The following DPP4 variants were observed in gnomAD, a reference collection of about 807,000 sequenced individuals.
DPP4 encodes ADCP-2.
DPP4 carries 93 observed loss-of-function variants against 122.4 expected under a neutral mutation model. That is an observed-to-expected ratio of 0.76 (90% CI 0.64 to 0.90). The LOEUF is 0.90. Among genes scored for constraint, DPP4 ranks in the 40% least tolerant of loss-of-function variants. The pLI, the probability that DPP4 is intolerant of heterozygous loss-of-function variation, is 0.00. For missense variants in DPP4, 914 were observed against 907.3 expected (o/e 1.01, Z -0.09); for synonymous variants, 321 against 302.9 (o/e 1.06, Z -0.62).
intron 4 of DPP4, among the ~76,000 whole-genome samples, 172 bp from the exon 5 acceptor site, chr2:162,045,784 G>A (rs1684152798): frequency 6.6e-6 from 1 of 152,188 alleles, no homozygotes; most frequent in African/African-American, 2.4e-5. Flanking sequence ...CAAGGTAGGT[G>A]GCGATCAATG....
At chr2:162,032,720 A>AC (rs1553665104) in intron 10 of DPP4, among the ~76,000 whole-genome samples, 3 of 149,318 alleles carry the variant, frequency 2.0e-5, no homozygotes, top group Non-Finnish European at 3.0e-5. Flanking sequence ...AAAAAAAAAA[A>AC]CAGCAACAAA....
At chr2:162,012,326 T>A (rs1682732905) in intron 19 of DPP4, among the ~76,000 whole-genome samples, 1 of 148,824 alleles carries the variant, frequency 6.7e-6, no homozygotes, top group Admixed American at 6.7e-5. Flanking sequence ...ATAAAAAAAA[T>A]GATGATGACA....
chr2:162,026,972 C>T (rs1180601385), intron 10 of DPP4, among the ~76,000 whole-genome samples: 1 of 152,130 alleles, frequency 6.6e-6, no homozygotes, highest in Non-Finnish European at 1.5e-5. Flanking sequence ...CTTTGTAGCA[C>T]AAATGTAGCC....
At chr2:162,068,817 G>C in intron 2 of DPP4, among the ~76,000 whole-genome samples, 1 of 152,158 alleles carries the variant, frequency 6.6e-6, no homozygotes, top group Non-Finnish European at 1.5e-5. Flanking sequence ...GGCATCCACA[G>C]TAGGCTCTTC....
chr2:162,071,270 C>T (rs1685106250), intron 2 of DPP4, among the ~76,000 whole-genome samples: 1 of 152,162 alleles, frequency 6.6e-6, no homozygotes, highest in Non-Finnish European at 1.5e-5. Context: ...AAACACAGGG[C>T]ATTTGCATTT....
intron 2 of DPP4, among the ~76,000 whole-genome samples, chr2:162,056,714 C>T (rs575921671): frequency 7.9e-5 from 12 of 152,224 alleles, no homozygotes; most frequent in East Asian, 5.8e-4. Context: ...CTTTCTAAGA[C>T]GAAGAAAAAG....
In DPP4 at chr2:162,017,125, C is replaced by T; in HGVS notation, c.1451G>A (p.Ser484Asn). ...GAAAATACCTTTATCATTCACGCTG[C>T]TGTGTAGAGTATAGAGGGGCAGACC... ...GPGLPLYTLH[S>N]SVNDKGLRVL... Residue 484 changes from serine to asparagine, a missense_variant, in exon 17 of 26, where the codon AGC (serine) becomes AAC (asparagine). Transcript: ENST00000360534. 1 of 1,612,118 alleles carries T rather than the reference C, an allele frequency of 6.2e-7. No individual in the cohort carries two copies. The highest frequency in any genetic ancestry group is 8.5e-7 in the Non-Finnish European group (1 of 1,179,748).
chr2:162,046,896 A>G lies in DPP4; in HGVS notation c.285+19T>C. On this transcript the variant is annotated intron_variant, in intron 4 of 25. Transcript: ENST00000360534. The stretch of plus-strand genomic sequence containing the variant: ...TCCCCAGAATTCTATGCATGAATTA[A>G]TTACGTGATTAAACATACAAATGTA... 1 of 1,476,650 alleles carries G rather than the reference A, an allele frequency of 6.8e-7. No individual in the cohort carries two copies. The highest frequency in any genetic ancestry group is 9.5e-7 in the Non-Finnish European group (1 of 1,055,198). The allele number at this position is 1,476,650 out of a possible 1,614,324, so 91.5% of individuals were successfully genotyped here. A position where few individuals can be genotyped will look rare whatever the true frequency, so the allele number is the denominator to read the frequency against.
At chr2:162,036,868 T>C (rs531567571) in intron 8 of DPP4, among the ~76,000 whole-genome samples, 4 of 152,342 alleles carry the variant, frequency 2.6e-5, no homozygotes, top group African/African-American at 9.6e-5. Flanking sequence ...TGGTTTCTAT[T>C]ATAGTAAGAA....
At chr2:161,994,774 G>A (rs983871320) in intron 25 of DPP4, among the ~76,000 whole-genome samples, 187 bp downstream of exon 25, 3 of 151,958 alleles carry the variant, frequency 2.0e-5, no homozygotes, top group Admixed American at 6.6e-5. Context: ...CCCCAAACTC[G>A]CTAATATTAT....
chr2:162,054,795 G>A lies in DPP4; in HGVS notation c.95-7294C>T, dbSNP rs542282472. 6.2e-4 allele frequency among the ~76,000 whole-genome samples: 94 copies of A among 152,244 alleles called. 2 individuals are homozygous for A. In the South Asian group the frequency reaches 0.019, roughly 31 times the overall value. On this transcript the variant is annotated intron_variant, in intron 2 of 25. Coordinates refer to ENST00000360534, the MANE Select transcript of DPP4 (RefSeq NM_001935.4). ...TAAATTACCTAGTCTGTGGTATTTT[G>A]TTACAGCAGCACAAACTAACACACC... is the stretch of plus-strand genomic sequence containing the variant.
At chr2:162,033,447 A>G in intron 10 of DPP4, 94 bp downstream of exon 10, 1 of 822,292 alleles carries the variant, frequency 1.2e-6, no homozygotes, top group South Asian at 1.7e-5. Context: ...ACACAGTGGG[A>G]GGCTGTGATC....
intron 4 of DPP4, chr2:162,046,558 G>T (rs1684178746): frequency 2.9e-6 from 1 of 349,130 alleles, no homozygotes; most frequent in Admixed American, 3.8e-5. Context: ...AAATCTGGGA[G>T]AAGGTTAGCG....
chr2:162,023,668 T>C (rs1683216655), intron 11 of DPP4, among the ~76,000 whole-genome samples: 1 of 152,188 alleles, frequency 6.6e-6, no homozygotes, highest in African/African-American at 2.4e-5. Context: ...TCATCTTCTT[T>C]TGCACTCTAT....
At chr2:162,048,124 G>A (rs758746960) in intron 2 of DPP4, among the ~76,000 whole-genome samples, 6 of 152,138 alleles carry the variant, frequency 3.9e-5, no homozygotes. Flanking sequence ...CTGCTTCTCA[G>A]AGACCCTTAG....
intron 5 of DPP4, 80 bp downstream of exon 5, chr2:162,045,452 A>G (rs1016923075): frequency 2.4e-5 from 24 of 992,626 alleles, no homozygotes; most frequent in Middle Eastern, 2.6e-4. Context: ...AATCTTAAGT[A>G]TCCATACACT....
At chr2:162,046,675 G>A (rs1436018931) in intron 4 of DPP4, 5 of 580,860 alleles carry the variant, frequency 8.6e-6, no homozygotes, top group Middle Eastern at 2.7e-4. Flanking sequence ...GGAGGCAAAT[G>A]AAGATGGAGC....
At chr2:161,998,285 C>T (rs1576030512) in intron 23 of DPP4, among the ~76,000 whole-genome samples, 1 of 152,186 alleles carries the variant, frequency 6.6e-6, no homozygotes, top group South Asian at 2.1e-4. Context: ...GAGTACTGAC[C>T]GTAAACATTA....
In DPP4 at chr2:162,005,828, T is replaced by G. The variant is rs202138806; in HGVS notation, c.1988-19A>C. 141 of 1,599,102 alleles carry G rather than the reference T, an allele frequency of 8.8e-5. No individual in the cohort carries two copies. The African/African-American group carries it at 1.5e-3, about 17-fold the overall frequency. On this transcript the variant is annotated intron_variant, in intron 22 of 25. Transcript: ENST00000360534. ...ACTGAGTCTGTGAAAGAAAAAAAAATAAAAAAAAGTTTAATTCATACAATA... is the reference window on the plus strand; with the variant it reads ...ACTGAGTCTGTGAAAGAAAAAAAAAGAAAAAAAAGTTTAATTCATACAATA...
Sources: gnomAD v4.1 joint callset for allele counts (sites outside exome capture counted in the v4.1 genomes callset) on GRCh38, gnomAD v4.1.1 for gene constraint, MANE v1.5 for transcripts, NCBI Gene and HGNC (gene_info 2026-07-23, HGNC 2026-07-21) for gene names.